The following SEMA5A variants were observed in gnomAD, a reference collection of about 807,000 sequenced individuals.
The protein encoded by SEMA5A is semaphorin 5A, also known as semaphorin-5A.
In SEMA5A, 55 loss-of-function variants were observed where a neutral mutation model predicts 135.5. The ratio of observed to expected loss-of-function variants is 0.41; its 90% confidence interval spans 0.33 to 0.51. The LOEUF (loss-of-function observed/expected upper bound fraction) is 0.51, where lower values mean the gene tolerates loss of function less well. Ranked by LOEUF, SEMA5A falls within the 20% of genes least tolerant of loss-of-function variation. SEMA5A has a pLI of 0.37. For missense variants in SEMA5A, 1,290 were observed against 1,419.9 expected, an observed-to-expected ratio of 0.91 and a Z score of 1.47; for synonymous variants, 580 against 546.5, an observed-to-expected ratio of 1.06 and a Z score of -0.85.
intron 5 of SEMA5A, among the ~76,000 whole-genome samples, chr5:9,262,752 C>A (rs1391917201): frequency 2.1e-5 from 2 of 95,188 alleles, no homozygotes; most frequent in Non-Finnish European, 4.1e-5. Context: ...GTGGTGGGGT[C>A]GGGGGAGGGG....
At chr5:9,132,435 T>G (rs1741485852) in intron 13 of SEMA5A, among the ~76,000 whole-genome samples, 1 of 152,198 alleles carries the variant, frequency 6.6e-6, no homozygotes, top group Non-Finnish European at 1.5e-5. Context: ...ACAAAGAAAG[T>G]TGGCTGTCTC....
intron 16 of SEMA5A, among the ~76,000 whole-genome samples, chr5:9,076,868 TTGTGTGTGTGTG>T (rs70943938): frequency 0.1 from 14,738 of 144,066 alleles, 850 homozygotes; most frequent in African/African-American, 0.15. Flanking sequence ...ATTACGATCT[TTGTGTGTGTGTG>T]TGTGTGTGTG....
intron 5 of SEMA5A, among the ~76,000 whole-genome samples, chr5:9,296,840 T>A (rs183771528): frequency 7.0e-6 from 1 of 142,292 alleles, no homozygotes; most frequent in Non-Finnish European, 1.5e-5. Flanking sequence ...GAAAGGAGGG[T>A]AAGGGGAAGG....
At chr5:9,147,724 C>CA (rs59966819) in intron 12 of SEMA5A, among the ~76,000 whole-genome samples, 5,204 of 102,400 alleles carry the variant, frequency 0.051, 155 homozygotes, top group African/African-American at 0.086. Context: ...TAAAACAAAC[C>CA]AAAAAAAAAA....
intron 10 of SEMA5A, among the ~76,000 whole-genome samples, chr5:9,191,131 G>A (rs1479463221): frequency 1.3e-5 from 2 of 152,148 alleles, no homozygotes; most frequent in Admixed American, 6.5e-5. Context: ...GAGGAGGTAA[G>A]GGAAATGGGG....
chr5:9,102,550 G>A lies in SEMA5A; in HGVS notation c.2073+5590C>T, dbSNP rs7708112. 5.6e-3 allele frequency among the ~76,000 whole-genome samples: 857 copies of A among 152,146 alleles called. 6 individuals are homozygous for A. The highest frequency in any genetic ancestry group is 0.02 in the African/African-American group (812 of 41,518). ...GCATTCACAAGGATGCTCAGAAAATGTTTTATGAAATGTATCCTGAAAAAT... is the reference window on the plus strand; with the variant it reads ...GCATTCACAAGGATGCTCAGAAAATATTTTATGAAATGTATCCTGAAAAAT... On this transcript the variant is annotated intron_variant, in intron 16 of 22. Coordinates refer to ENST00000382496, the MANE Select transcript of SEMA5A (RefSeq NM_003966.3).
chr5:9,359,300 G>A (rs930355269), intron 3 of SEMA5A, among the ~76,000 whole-genome samples: 3 of 152,166 alleles, frequency 2.0e-5, no homozygotes, highest in Non-Finnish European at 4.4e-5. Flanking sequence ...CTACATAAAA[G>A]GGGAAAAATA....
At chr5:9,068,317 A>T (rs1221099188) in intron 16 of SEMA5A, among the ~76,000 whole-genome samples, 1 of 152,210 alleles carries the variant, frequency 6.6e-6, no homozygotes, top group Non-Finnish European at 1.5e-5. Context: ...ACAGAATTTA[A>T]GAATCTTTGT....
chr5:9,145,172 G>T (rs1742265377), intron 12 of SEMA5A, among the ~76,000 whole-genome samples: 1 of 152,140 alleles, frequency 6.6e-6, no homozygotes, highest in Non-Finnish European at 1.5e-5. Context: ...CAGCTCAGAA[G>T]GACCTGCATG....
intron 1 of SEMA5A, among the ~76,000 whole-genome samples, chr5:9,532,882 A>G (rs977484186): frequency 6.6e-6 from 1 of 152,156 alleles, no homozygotes; most frequent in African/African-American, 2.4e-5. Context: ...CAATACAATA[A>G]ACATGTCCTT....
At chr5:9,252,409 T>C (rs1009689135) in intron 5 of SEMA5A, among the ~76,000 whole-genome samples, 2 of 152,162 alleles carry the variant, frequency 1.3e-5, no homozygotes, top group African/African-American at 2.4e-5. Flanking sequence ...TTTGTGTAAT[T>C]ATCCAAACCC....
chr5:9,434,438 T>A (rs1281190816), intron 2 of SEMA5A, among the ~76,000 whole-genome samples: 3 of 152,170 alleles, frequency 2.0e-5, no homozygotes, highest in Non-Finnish European at 1.5e-5. Flanking sequence ...AAAAATTTTT[T>A]TAATTGTAAA....
At chr5:9,321,382 T>C (rs929332524) in intron 4 of SEMA5A, among the ~76,000 whole-genome samples, 2 of 152,124 alleles carry the variant, frequency 1.3e-5, no homozygotes, top group African/African-American at 2.4e-5. Flanking sequence ...GCAGCTCAGC[T>C]CCCCACCCTC....
At chr5:9,065,068 T>C (rs1311574896) in intron 17 of SEMA5A, among the ~76,000 whole-genome samples, 1 of 152,238 alleles carries the variant, frequency 6.6e-6, no homozygotes, top group Non-Finnish European at 1.5e-5. Flanking sequence ...GTGGTATTTG[T>C]TTAAGTTGTA....
rs367779159 is a variant in SEMA5A, at chr5:9,425,631, A to T, written c.-78+12125T>A. Among the ~76,000 whole-genome samples the T allele has an allele frequency of 5.3e-5, 8 of 152,310 alleles. No individual in the cohort carries two copies. The East Asian group carries it at 1.5e-3, about 29-fold the overall frequency. On this transcript the variant is annotated intron_variant, in intron 2 of 22. Transcript: ENST00000382496. ...TTTTGTTTGAAATCAACCACCAATC[A>T]TGTATTTTCTGCAAGGAAATTACAC...
At chr5:9,072,229 C>T (rs543549721) in intron 16 of SEMA5A, among the ~76,000 whole-genome samples, 12 of 152,168 alleles carry the variant, frequency 7.9e-5, no homozygotes, top group Admixed American at 7.9e-4. Flanking sequence ...TATGGGAGAC[C>T]CATGAGTGCC....
chr5:9,441,924 A>G (rs1325246211), intron 1 of SEMA5A, among the ~76,000 whole-genome samples: 1 of 152,232 alleles, frequency 6.6e-6, no homozygotes, highest in Non-Finnish European at 1.5e-5. Context: ...AGGCAGAGTC[A>G]CTGAAGGTTC....
At chr5:9,100,573 G>A (rs1739571064) in intron 16 of SEMA5A, among the ~76,000 whole-genome samples, 1 of 151,968 alleles carries the variant, frequency 6.6e-6, no homozygotes, top group African/African-American at 2.4e-5. Context: ...ACCCTAATAG[G>A]AGCTTTTCCC....
chr5:9,400,993 A>G (rs1385324458), intron 2 of SEMA5A, among the ~76,000 whole-genome samples: 1 of 152,068 alleles, frequency 6.6e-6, no homozygotes, highest in Non-Finnish European at 1.5e-5. Flanking sequence ...TGACCTCAGG[A>G]ACTCACTCTC....
Sources: gnomAD v4.1 joint callset for allele counts (sites outside exome capture counted in the v4.1 genomes callset) on GRCh38, gnomAD v4.1.1 for gene constraint, MANE v1.5 for transcripts, NCBI Gene and HGNC (gene_info 2026-07-23, HGNC 2026-07-21) for gene names.